Variants in RBFOX1 observed in about 807,000 individuals in gnomAD.
RBFOX1 encodes RNA binding protein fox-1 homolog 1.
In RBFOX1, 8 loss-of-function variants were observed where a neutral mutation model predicts 57.7. The observed-to-expected ratio is 0.14, with a 90% CI of 0.08 to 0.25. The LOEUF is 0.25. RBFOX1 is among the 10% of genes least tolerant of loss of function. RBFOX1 has a pLI of 1.00. For synonymous variants in RBFOX1, 326 were observed against 222.4 expected (o/e 1.47, Z -4.15); for missense variants, 611 against 548.5 (o/e 1.11, Z -1.14).
At chr16:7,092,265 T>C (rs987688951) in intron 4 of RBFOX1, among the ~76,000 whole-genome samples, 3 of 152,232 alleles carry the variant, frequency 2.0e-5, no homozygotes, top group African/African-American at 7.2e-5. Flanking sequence ...TGTGTGTTTG[T>C]GGAGAGCCAG....
At chr16:5,957,303 C>G (rs13333292) in intron 4 of RBFOX1, among the ~76,000 whole-genome samples, 3 of 152,198 alleles carry the variant, frequency 2.0e-5, no homozygotes, top group Non-Finnish European at 4.4e-5. Context: ...CAACCTCCAC[C>G]TCCGGTGTTC....
chr16:6,454,637 A>T (rs564087332), intron 2 of RBFOX1, among the ~76,000 whole-genome samples: 1 of 152,280 alleles, frequency 6.6e-6, no homozygotes, highest in South Asian at 2.1e-4. Flanking sequence ...CTAATACTGA[A>T]TATATACTTA....
chr16:6,242,159 A>G (rs1240934346), intron 1 of RBFOX1, among the ~76,000 whole-genome samples: 1 of 152,086 alleles, frequency 6.6e-6, no homozygotes, highest in Non-Finnish European at 1.5e-5. Context: ...CTTTATTTGT[A>G]TATTTATTAT....
intron 5 of RBFOX1, among the ~76,000 whole-genome samples, chr16:7,576,823 C>G (rs189659899): frequency 6.6e-6 from 1 of 152,124 alleles, no homozygotes; most frequent in African/African-American, 2.4e-5. Context: ...AGAAGGAGCT[C>G]ATTTTGTTTT....
chr16:6,854,845 C>T (rs78094339), intron 3 of RBFOX1, among the ~76,000 whole-genome samples: 36,273 of 151,848 alleles, frequency 0.24, 5,000 homozygotes, highest in Admixed American at 0.37. Context: ...CCGCCTGCCT[C>T]GGCCTCCCAA....
intron 3 of RBFOX1, among the ~76,000 whole-genome samples, chr16:6,770,338 A>G (rs779227860): frequency 1.4e-4 from 22 of 152,286 alleles, no homozygotes; most frequent in Middle Eastern, 3.4e-3. Flanking sequence ...ATTTAATGCA[A>G]CAGGGCAGGG....
At chr16:7,493,355 G>A (rs1482061385) in intron 4 of RBFOX1, among the ~76,000 whole-genome samples, 1 of 152,166 alleles carries the variant, frequency 6.6e-6, no homozygotes, top group Admixed American at 6.5e-5. Context: ...TTATTGGACA[G>A]TCTTCCCCTA....
chr16:6,592,879 C>T (rs1444136950), intron 2 of RBFOX1, among the ~76,000 whole-genome samples: 2 of 152,120 alleles, frequency 1.3e-5, no homozygotes, highest in African/African-American at 4.8e-5. Context: ...GTTTCTTGAG[C>T]ATGTGATTAT....
At chr16:6,602,037 G>C (rs1310522320) in intron 2 of RBFOX1, among the ~76,000 whole-genome samples, 1 of 152,158 alleles carries the variant, frequency 6.6e-6, no homozygotes, top group Admixed American at 6.5e-5. Flanking sequence ...CTTGGTAGGA[G>C]AACAAAGGCG....
chr16:7,060,498 A>G (rs1016874228), intron 4 of RBFOX1, among the ~76,000 whole-genome samples: 2 of 152,340 alleles, frequency 1.3e-5, no homozygotes, highest in African/African-American at 4.8e-5. Flanking sequence ...TCTTGCTTTA[A>G]AGGCTTCCAG....
intron 2 of RBFOX1, chr16:6,483,440 C>T (rs767271193): frequency 4.6e-6 from 7 of 1,535,556 alleles, no homozygotes; most frequent in South Asian, 2.4e-5. Flanking sequence ...GCTGTTGCCT[C>T]GGACTTCTCC....
At chr16:5,734,069 G>C (rs574213789) in intron 3 of RBFOX1, among the ~76,000 whole-genome samples, 10 of 152,278 alleles carry the variant, frequency 6.6e-5, no homozygotes, top group Admixed American at 1.3e-4. Context: ...CTTTCCCAGG[G>C]TGTTTATGGC....
chr16:7,160,749 G>C (rs1179315511), intron 4 of RBFOX1, among the ~76,000 whole-genome samples: 1 of 151,496 alleles, frequency 6.6e-6, no homozygotes, highest in Non-Finnish European at 1.5e-5. Context: ...AGGTACCTAT[G>C]TCTATTCCTC....
At chr16:6,800,810 G>A (rs1440430271) in intron 3 of RBFOX1, among the ~76,000 whole-genome samples, 1 of 152,056 alleles carries the variant, frequency 6.6e-6, no homozygotes. Context: ...TCTCATGTGA[G>A]TGACTGTATA....
chr16:5,707,725 A>G (rs143505888), intron 3 of RBFOX1, among the ~76,000 whole-genome samples: 1 of 152,332 alleles, frequency 6.6e-6, no homozygotes, highest in African/African-American at 2.4e-5. Flanking sequence ...TTAAATAGGA[A>G]TGATACTAAT....
chr16:6,027,880 C>G lies in RBFOX1; in HGVS notation c.-127+7888C>G, dbSNP rs547902675. On this transcript the variant is annotated intron_variant, in intron 1 of 15. Coordinates refer to ENST00000550418, the MANE Select transcript of RBFOX1 (RefSeq NM_018723.4). ...ATGTACGGTTGAGATCGTTGACAGA[C>G]TTGAGGCCCTGTGTGGAGTTCCGCC... Among the ~76,000 whole-genome samples the G allele has an allele frequency of 6.6e-5, 10 of 152,310 alleles. No individual in the cohort carries two copies. In the East Asian group the frequency reaches 1.9e-3, roughly 29 times the overall value.
chr16:6,613,083 G>A (rs972369132), intron 2 of RBFOX1, among the ~76,000 whole-genome samples: 16 of 151,612 alleles, frequency 1.1e-4, no homozygotes, highest in Non-Finnish European at 1.3e-4. Flanking sequence ...GATAAATACT[G>A]TGGTACAGGA....
intron 3 of RBFOX1, chr16:7,003,865 T>C (rs894469641): frequency 2.0e-5 from 3 of 152,162 alleles, no homozygotes; most frequent in Non-Finnish European, 2.9e-5. Flanking sequence ...GGTTTTCAGA[T>C]GATTGGTTAT....
intron 4 of RBFOX1, among the ~76,000 whole-genome samples, chr16:7,253,456 C>T (rs753601162): frequency 3.9e-5 from 6 of 152,172 alleles, no homozygotes; most frequent in African/African-American, 1.2e-4. Flanking sequence ...GAGTTCCCAA[C>T]GAGACTTCAG....
Sources: gnomAD v4.1 joint callset for allele counts (sites outside exome capture counted in the v4.1 genomes callset) on GRCh38, gnomAD v4.1.1 for gene constraint, MANE v1.5 for transcripts, NCBI Gene and HGNC (gene_info 2026-07-23, HGNC 2026-07-21) for gene names.